The following PAPPA2 variants were observed in gnomAD, a reference collection of about 807,000 sequenced individuals.
The protein encoded by PAPPA2 is pappalysin-2.
Under a neutral mutation model 176.4 loss-of-function variants are expected in PAPPA2, and 86 were observed. The observed-to-expected ratio is 0.49, with a 90% CI of 0.41 to 0.58. The LOEUF (loss-of-function observed/expected upper bound fraction) is 0.58. Among genes scored for constraint, PAPPA2 ranks in the 20% least tolerant of loss-of-function variants. The pLI, the probability that PAPPA2 is intolerant of heterozygous loss-of-function variation, is 0.00. For missense variants in PAPPA2, 2,073 were observed against 2,256.9 expected (o/e 0.92, Z 1.65); for synonymous variants, 809 against 852.2 (o/e 0.95, Z 0.88).
intron 1 of PAPPA2, among the ~76,000 whole-genome samples, chr1:176,540,112 A>G (rs1650289901): frequency 6.6e-6 from 1 of 152,162 alleles, no homozygotes; most frequent in African/African-American, 2.4e-5. Context: ...AAAATTTCTC[A>G]TGGTTTCATA....
chr1:176,628,974 C>T (rs58035298), intron 3 of PAPPA2, among the ~76,000 whole-genome samples: 9,909 of 152,238 alleles, frequency 0.065, 360 homozygotes, highest in South Asian at 0.14. Flanking sequence ...AGGCCTTCAC[C>T]GGCAATGGAA....
intron 12 of PAPPA2, among the ~76,000 whole-genome samples, chr1:176,734,760 A>C (rs970829825): frequency 2.0e-5 from 3 of 152,138 alleles, no homozygotes; most frequent in African/African-American, 7.2e-5. Context: ...AATATTTGAT[A>C]ATTCTTCACC....
intron 3 of PAPPA2, among the ~76,000 whole-genome samples, chr1:176,667,836 A>T (rs1326737060): frequency 6.6e-6 from 1 of 152,172 alleles, no homozygotes; most frequent in East Asian, 1.9e-4. Context: ...ATCTACAATA[A>T]GGCTATTTAA....
intron 3 of PAPPA2, among the ~76,000 whole-genome samples, chr1:176,624,742 G>A (rs1238122157): frequency 6.6e-6 from 1 of 152,088 alleles, no homozygotes; most frequent in Non-Finnish European, 1.5e-5. Context: ...CTACCTCTGT[G>A]CTTTCATATC....
At chr1:176,477,524 ATCAT>A (rs576189952) in intron 1 of PAPPA2, among the ~76,000 whole-genome samples, 1 of 152,164 alleles carries the variant, frequency 6.6e-6, no homozygotes, top group Non-Finnish European at 1.5e-5. Context: ...AGGTGGGCAG[ATCAT>A]GAGGTCAGGA....
intron 21 of PAPPA2, among the ~76,000 whole-genome samples, chr1:176,821,955 G>A (rs12132238): frequency 0.063 from 9,520 of 152,234 alleles, 368 homozygotes; most frequent in Non-Finnish European, 0.087. Context: ...CCTAGCATCA[G>A]GTTTGAAATC....
intron 4 of PAPPA2, among the ~76,000 whole-genome samples, chr1:176,681,684 C>G (rs1372292143): frequency 6.6e-6 from 1 of 152,144 alleles, no homozygotes; most frequent in African/African-American, 2.4e-5. Flanking sequence ...GTGCCTTCAG[C>G]CTCACACCAC....
intron 1 of PAPPA2, among the ~76,000 whole-genome samples, chr1:176,501,317 T>C (rs747921356): frequency 1.3e-5 from 2 of 152,150 alleles, no homozygotes; most frequent in Non-Finnish European, 2.9e-5. Context: ...GTCTCTATTA[T>C]TTTGAATGGT....
At chr1:176,759,189 A>T (rs572760213) in intron 14 of PAPPA2, among the ~76,000 whole-genome samples, 1 of 152,338 alleles carries the variant, frequency 6.6e-6, no homozygotes, top group Admixed American at 6.5e-5. Context: ...CTGACTTTAG[A>T]GAAGTTTATG....
intron 1 of PAPPA2, among the ~76,000 whole-genome samples, chr1:176,491,569 C>CCTA (rs1647294313): frequency 6.6e-6 from 1 of 151,874 alleles, no homozygotes; most frequent in Non-Finnish European, 1.5e-5. Flanking sequence ...GTAGGTAGAA[C>CCTA]CAGATTGTGA....
At chr1:176,501,073 G>T (rs998236996) in intron 1 of PAPPA2, among the ~76,000 whole-genome samples, 15 of 147,870 alleles carry the variant, frequency 1.0e-4, no homozygotes, top group African/African-American at 2.5e-4. Context: ...ATATATAATA[G>T]AATATATTAA....
chr1:176,552,845 G>A (rs971565752), intron 1 of PAPPA2, among the ~76,000 whole-genome samples: 2 of 152,144 alleles, frequency 1.3e-5, no homozygotes, highest in African/African-American at 2.4e-5. Flanking sequence ...GAAAAAAAGG[G>A]GGAAAAACCC....
intron 1 of PAPPA2, among the ~76,000 whole-genome samples, chr1:176,498,158 C>G (rs1218327285): frequency 6.6e-6 from 1 of 151,222 alleles, no homozygotes; most frequent in Non-Finnish European, 1.5e-5. Flanking sequence ...TCTTTTTTTT[C>G]TTTTTCTTTT....
intron 21 of PAPPA2, among the ~76,000 whole-genome samples, chr1:176,828,299 A>G (rs1666934674): frequency 6.6e-6 from 1 of 152,122 alleles, no homozygotes; most frequent in South Asian, 2.1e-4. Context: ...ACATGTACAA[A>G]CCTTGTAGTA....
intron 21 of PAPPA2, among the ~76,000 whole-genome samples, chr1:176,825,707 T>C (rs1332780764): frequency 6.6e-6 from 1 of 152,266 alleles, no homozygotes; most frequent in African/African-American, 2.4e-5. Context: ...ACTTTGATTA[T>C]TGTATATTTT....
chr1:176,675,676 T>C (rs529623868), intron 4 of PAPPA2, among the ~76,000 whole-genome samples: 1 of 152,166 alleles, frequency 6.6e-6, no homozygotes, highest in South Asian at 2.1e-4. Flanking sequence ...AAATTAGAGT[T>C]CTAGAAGAAG....
chr1:176,515,353 C>G (rs1460942762), intron 1 of PAPPA2, among the ~76,000 whole-genome samples: 2 of 152,100 alleles, frequency 1.3e-5, no homozygotes, highest in Non-Finnish European at 2.9e-5. Context: ...GTTTGATAGC[C>G]AGGAACTGTA....
At chr1:176,488,407 A>G (rs949354893) in intron 1 of PAPPA2, among the ~76,000 whole-genome samples, 11 of 152,154 alleles carry the variant, frequency 7.2e-5, no homozygotes, top group Non-Finnish European at 1.2e-4. Context: ...AAAAATGGTT[A>G]TAGTATGGGA....
intron 19 of PAPPA2, 64 bp downstream of exon 19, chr1:176,791,546 T>C: frequency 1.3e-6 from 2 of 1,520,174 alleles, no homozygotes; most frequent in African/African-American, 1.4e-5. Context: ...CACAGCTGAA[T>C]TTTTTTTAAT....
Sources: allele counts gnomAD v4.1 joint callset (sites outside exome capture counted in the v4.1 genomes callset), GRCh38; gene constraint gnomAD v4.1.1; transcripts MANE v1.5; gene names NCBI Gene and HGNC (gene_info 2026-07-23, HGNC 2026-07-21).